Variants in ADGRV1 observed in about 807,000 individuals in gnomAD.
The protein encoded by ADGRV1 is adhesion G protein-coupled receptor V1, also known as G-protein coupled receptor 98.
Under a neutral mutation model 596.2 loss-of-function variants are expected in ADGRV1, and 359 were observed. That is an observed-to-expected ratio of 0.60 (90% CI 0.55 to 0.66). ADGRV1 has a LOEUF of 0.66. Ranked by LOEUF, ADGRV1 falls within the 30% of genes least tolerant of loss-of-function variation. The pLI, the probability that ADGRV1 is intolerant of heterozygous loss-of-function variation, is 0.00. For missense variants in ADGRV1, 7,274 were observed against 7,575.6 expected (o/e 0.96, Z 1.48); for synonymous variants, 2,681 against 2,679.2 (o/e 1.00, Z -0.02).
rs1166052602 is a variant in ADGRV1 at position 90,629,289 on chromosome 5, G to A, written c.1589G>A (p.Ser530Asn). The A allele has an allele frequency of 6.2e-7, 1 of 1,613,022 alleles. No individual in the cohort carries two copies. Among genetic ancestry groups the A allele is most frequent in the Non-Finnish European group, 8.5e-7 (1 of 1,179,550 alleles). ...CCTATGGAAAACCAGAAGATTGAAA[G>A]CAGCCCAGGTGAACGATACTTATCC... The part of the protein sequence containing the change: ...FFPMENQKIE[S>N]SPGERYLSLS... Residue 530 changes from serine (S) to asparagine (N), a missense_variant, in exon 9 of 90, where the codon AGC becomes AAC. By Grantham distance (46) the Ser-to-Asn change is conservative. Around this residue, in one of 5 missense-constraint regions of ADGRV1, gnomAD observed 1,715 missense variants for 1,708.8 expected, o/e 1.00. Coordinates refer to ENST00000405460, the MANE Select transcript of ADGRV1 (RefSeq NM_032119.4).
At chr5:90,943,889 G>A (rs571043005) in intron 83 of ADGRV1, among the ~76,000 whole-genome samples, 5 of 152,166 alleles carry the variant, frequency 3.3e-5, no homozygotes, top group African/African-American at 7.2e-5. Context: ...ATCTAATGAC[G>A]TCTGCAAAGA....
At chr5:90,763,050 C>T (rs964943333) in intron 58 of ADGRV1, 2 of 361,206 alleles carry the variant, frequency 5.5e-6, no homozygotes, top group Non-Finnish European at 1.0e-5. Flanking sequence ...ATCATTTCTG[C>T]CTCTATTCTC....
intron 83 of ADGRV1, among the ~76,000 whole-genome samples, chr5:90,906,248 A>C (rs1167126300): frequency 6.6e-6 from 1 of 151,994 alleles, no homozygotes; most frequent in African/African-American, 2.4e-5. Flanking sequence ...TGATAGAATG[A>C]GTTTGGAAGT....
chr5:90,672,782 T>C, intron 22 of ADGRV1, 60 bp downstream of exon 22: 1 of 1,264,168 alleles, frequency 7.9e-7, no homozygotes, highest in East Asian at 2.4e-5. Context: ...CTGAAGTGTT[T>C]GTTCTGTAAT....
chr5:90,668,481 C>T (rs11959408), intron 21 of ADGRV1, among the ~76,000 whole-genome samples: 51,322 of 150,524 alleles, frequency 0.34, 8,486 homozygotes, highest in Admixed American at 0.48. Context: ...CCGCATGGTG[C>T]GCGCACCCAC....
intron 1 of ADGRV1, among the ~76,000 whole-genome samples, chr5:90,596,619 C>G (rs1283412366): frequency 1.3e-5 from 2 of 152,174 alleles, no homozygotes; most frequent in African/African-American, 2.4e-5. Context: ...GAAACCCCGT[C>G]TCCACCAAAA....
chr5:90,814,456 C>T (rs553798697), intron 74 of ADGRV1, among the ~76,000 whole-genome samples: 1 of 152,124 alleles, frequency 6.6e-6, no homozygotes, highest in African/African-American at 2.4e-5. Flanking sequence ...GCTCTGTGTC[C>T]CCACTCAATT....
rs1749463886 is a variant in ADGRV1, at chr5:90,712,268, C to T, written c.9043-19C>T. ...GTGTATATAAATATAATACATTCTG[C>T]TTTTACCTTTTTGACCAGATTCTTC... On this transcript the variant is annotated intron_variant, in intron 41 of 89. Transcript: ENST00000405460. 6.8e-7 allele frequency: 1 copy of T among 1,463,934 alleles called. No homozygotes were observed. Among genetic ancestry groups the T allele is most frequent in the East Asian group, 2.5e-5 (1 of 40,488 alleles). 90.7% of individuals were successfully genotyped at this position (1,463,934 alleles called of 1,614,324 possible). A position where few individuals can be genotyped will look rare whatever the true frequency, so the allele number is the denominator to read the frequency against.
intron 71 of ADGRV1, among the ~76,000 whole-genome samples, chr5:90,804,770 T>C (rs1438393300): frequency 6.6e-6 from 1 of 152,110 alleles, no homozygotes; most frequent in African/African-American, 2.4e-5. Flanking sequence ...ACTTGATGCT[T>C]GTGATAAAGA....
At chr5:90,878,548 T>G (rs1769436815) in intron 83 of ADGRV1, among the ~76,000 whole-genome samples, 2 of 152,306 alleles carry the variant, frequency 1.3e-5, no homozygotes, top group South Asian at 4.1e-4. Context: ...AAATATGAAT[T>G]AAGATCTCAT....
At position 90,812,011 on chromosome 5, in the gene ADGRV1, C is replaced by A. The variant is rs1038342998; in HGVS notation, c.16078+673C>A. Among the ~76,000 whole-genome samples the A allele has an allele frequency of 6.0e-5, 9 of 151,212 alleles. No homozygotes were observed. The East Asian group carries it at 1.8e-3, about 29-fold the overall frequency. On this transcript the variant is annotated intron_variant, in intron 74 of 89. Transcript: ENST00000405460. ...TGGCATGATCACAGCTCACTGCAAC[C>A]TCTGCCTCCCGGGTTCAAGCAGTTC...
At position 91,150,087 on chromosome 5, in the gene ADGRV1, A is replaced by G; in HGVS notation, c.18490A>G (p.Lys6164Glu). ...ACACAACCAAATGTGTTGCCCTATG[A>G]AGGCCAGTTACACTGTGGAAATGAA... ...ILHNQMCCPM[K>E]ASYTVEMNGH... is the part of the protein sequence containing the mutation. The change falls in exon 88 of 90, where the codon AAG (lysine) becomes GAG (glutamate). Residue 6164 changes from lysine to glutamate, a missense_variant. Lys to Glu is a moderately conservative substitution (Grantham distance 56). Around this residue, in one of 5 missense-constraint regions of ADGRV1, gnomAD observed 1,874 missense variants for 1,970.2 expected, o/e 0.95. Transcript: ENST00000405460. 6.4e-7 allele frequency: 1 copy of G among 1,559,274 alleles called. No individual in the cohort carries two copies. The highest frequency in any genetic ancestry group is 8.7e-7 in the Non-Finnish European group (1 of 1,152,684).
At position 90,645,706 on chromosome 5, in the gene ADGRV1, T is replaced by C. The variant is rs114182994; in HGVS notation, c.2899-262T>C. The stretch of plus-strand genomic sequence containing the variant: ...CTGTGGTATATCAGTTTTTAGCTTA[T>C]ATAAGGCAAAATATCTATATTTCCA... On this transcript the variant is annotated intron_variant, in intron 15 of 89. Transcript: ENST00000405460. 6.3e-3 allele frequency among the ~76,000 whole-genome samples: 967 copies of C among 152,330 alleles called. 10 individuals carry two copies. Among genetic ancestry groups the C allele is most frequent in the African/African-American group, 0.022 (901 of 41,580 alleles).
chr5:91,056,511 T>C lies in ADGRV1; in HGVS notation c.18153-15936T>C, dbSNP rs116048101. ...AGAAGATGACACTTCAAAACGACAA[T>C]TTTTTTTTTGAATTTTCTTTCAGTC... On this transcript the variant is annotated intron_variant, in intron 85 of 89. Coordinates refer to ENST00000405460, the MANE Select transcript of ADGRV1 (RefSeq NM_032119.4). Among the ~76,000 whole-genome samples, 880 of 150,636 alleles carry C rather than the reference T, an allele frequency of 5.8e-3. 8 individuals are homozygous for C. The highest frequency in any genetic ancestry group is 0.019 in the African/African-American group (764 of 41,006).
chr5:90,697,188 A>G (rs1325760623), intron 34 of ADGRV1, 42 bp downstream of exon 34: 2 of 1,524,348 alleles, frequency 1.3e-6, no homozygotes, highest in Non-Finnish European at 1.8e-6. Context: ...TTTCTTTTCT[A>G]TGGATGTTGT....
At chr5:90,851,722 T>A (rs1766552178) in intron 79 of ADGRV1, among the ~76,000 whole-genome samples, 1 of 152,166 alleles carries the variant, frequency 6.6e-6, no homozygotes, top group Non-Finnish European at 1.5e-5. Flanking sequence ...GTGAATGCAT[T>A]TGAGGGACAT....
Position 91,111,973 on chromosome 5 carries a change from G to A in ADGRV1, c.18432+9633G>A, listed in dbSNP as rs566735184. Among the ~76,000 whole-genome samples, 202 of 152,290 alleles carry A rather than the reference G, an allele frequency of 1.3e-3. 1 individual carries two copies. Among genetic ancestry groups the A allele is most frequent in the Admixed American group, 4.6e-3 (70 of 15,298 alleles). ...GGTGTACTTAAATTTTCTTAATCAG[G>A]TTATGCCTCTCTGCCCCGTGTTCAG... On this transcript the variant is annotated intron_variant, in intron 87 of 89. Coordinates refer to ENST00000405460, the MANE Select transcript of ADGRV1 (RefSeq NM_032119.4).
intron 85 of ADGRV1, among the ~76,000 whole-genome samples, chr5:91,052,786 G>C (rs113922649): frequency 5.2e-4 from 79 of 152,212 alleles, no homozygotes; most frequent in African/African-American, 1.8e-3. Context: ...CTATGTCACA[G>C]TCCAGTTGTA....
At chr5:91,099,683 A>C (rs759108884) in intron 86 of ADGRV1, among the ~76,000 whole-genome samples, 25 of 152,194 alleles carry the variant, frequency 1.6e-4, no homozygotes, top group Non-Finnish European at 3.4e-4. Context: ...AGGTGGGCAG[A>C]TCACCTGAGT....
Sources: allele counts gnomAD v4.1 joint callset (sites outside exome capture counted in the v4.1 genomes callset), GRCh38; gene constraint gnomAD v4.1.1; regional missense constraint gnomAD v4.1.1; transcripts MANE v1.5; gene names NCBI Gene and HGNC (gene_info 2026-07-23, HGNC 2026-07-21).